ALDH8A1: variants seen among roughly 807,000 people sequenced by gnomAD.
The protein encoded by ALDH8A1 is 2-aminomuconic semialdehyde dehydrogenase.
In ALDH8A1, 39 loss-of-function variants were observed where a neutral mutation model predicts 43.3. The ratio of observed to expected loss-of-function variants is 0.90; its 90% CI spans 0.70 to 1.18. The LOEUF (loss-of-function observed/expected upper bound fraction) is 1.18, where lower values mean the gene tolerates loss of function less well. Among genes scored for constraint, ALDH8A1 ranks in the 50% most tolerant of loss-of-function variants. The pLI is 0.00. For synonymous variants in ALDH8A1, 233 were observed against 243.5 expected (o/e 0.96, Z 0.40); for missense variants, 605 against 622.6 (o/e 0.97, Z 0.30).
Position 134,942,431 on chromosome 6 carries a change from C to T in ALDH8A1, c.420G>A (p.Thr140=), listed in dbSNP as rs753123197. The T allele has an allele frequency of 3.8e-5, 62 of 1,613,618 alleles. No homozygotes were observed. The East Asian group carries it at 1.2e-3, about 32-fold the overall frequency. ...QMDHLGCMHY[T]VRAPVGVAGL... ...CACCGACTCCCACCGGGGCCCGCAC[C>T]GTGTAGTGCATGCAGCCCAGGTGGT... The change falls in exon 3 of 7, where the codon ACG becomes ACA. Residue 140 remains threonine (T), a synonymous_variant. Transcript: ENST00000265605.
chr6:134,940,353 G>C (rs754283028), intron 3 of ALDH8A1: 1 of 192,694 alleles, frequency 5.2e-6, no homozygotes, highest in African/African-American at 2.4e-5. Context: ...TTATTTTAAC[G>C]GTCTGGCTGT....
At chr6:134,938,334 C>T (rs892216659) in intron 4 of ALDH8A1, among the ~76,000 whole-genome samples, 10 of 152,220 alleles carry the variant, frequency 6.6e-5, no homozygotes, top group African/African-American at 2.2e-4. Context: ...TGTGCCTGTG[C>T]GGAGCTACAG....
chr6:134,946,643 A>G (rs1028849597), intron 1 of ALDH8A1, among the ~76,000 whole-genome samples: 3 of 152,232 alleles, frequency 2.0e-5, no homozygotes, highest in Non-Finnish European at 2.9e-5. Flanking sequence ...TGAGGCATGC[A>G]AAAGTTCAGC....
In ALDH8A1 at chr6:134,921,304, T is replaced by C. The variant is rs568620540; in HGVS notation, c.1012-2437A>G. ...TTCTTCTGTGCTTCCTCCGGCCTCA[T>C]TGTAAACCCTCCAGAATTCTCTCCA... On this transcript the variant is annotated intron_variant, in intron 6 of 6. Coordinates refer to ENST00000265605, the MANE Select transcript of ALDH8A1 (RefSeq NM_022568.4). Among the ~76,000 whole-genome samples the C allele has an allele frequency of 9.8e-5, 15 of 152,294 alleles. No individual in the cohort carries two copies. The South Asian group carries it at 2.7e-3, about 27-fold the overall frequency.
chr6:134,929,022 T>C lies in ALDH8A1; in HGVS notation c.1011+32A>G, dbSNP rs374129470. On this transcript the variant is annotated intron_variant, in intron 6 of 6. Transcript: ENST00000265605. ...GAGCTTCTCTTCAAATAAGAACTTA[T>C]TCTGTAACTTACATGGCAGAAATTT... The C allele has an allele frequency of 9.3e-6, 15 of 1,609,472 alleles. No individual in the cohort carries two copies. The African/African-American group carries it at 1.9e-4, about 20-fold the overall frequency.
At chr6:134,925,655 A>G (rs1157023805) in intron 6 of ALDH8A1, among the ~76,000 whole-genome samples, 7 of 152,238 alleles carry the variant, frequency 4.6e-5, no homozygotes. Context: ...ACAGCAATGA[A>G]TAAAACTGAC....
At chr6:134,941,427 G>A (rs13209279) in intron 3 of ALDH8A1, 47,247 of 150,002 alleles carry the variant, frequency 0.31, 7,469 homozygotes, top group Non-Finnish European at 0.34. Flanking sequence ...CACTCTTGTC[G>A]CCCAGGCTGG....
Position 134,918,133 on chromosome 6 carries a change from G to C in ALDH8A1, c.*282C>G. Reference sequence around the variant, plus strand: ...AGATTCCCAAGAGTTCAATGAAGATGATGAAAGAAACACTATGAAAACATA... The same window carrying C: ...AGATTCCCAAGAGTTCAATGAAGATCATGAAAGAAACACTATGAAAACATA... On this transcript the variant is annotated 3_prime_UTR_variant, in exon 7 of 7. Transcript: ENST00000265605. 2.4e-6 allele frequency: 1 copy of C among 416,046 alleles called. No homozygotes were observed. The highest frequency in any genetic ancestry group is 4.3e-6 in the Non-Finnish European group (1 of 233,728). 25.8% of individuals were successfully genotyped at this position (416,046 alleles called of 1,614,324 possible). A position where few individuals can be genotyped will look rare whatever the true frequency, so the allele number is the denominator to read the frequency against.
At position 134,946,449 on chromosome 6, in the gene ALDH8A1, T is replaced by C. The variant is rs536091544; in HGVS notation, c.139-2483A>G. ...CTAAGTTGCCTTATAGCACAACTTATGTCCATGTAATATAGAATACATATT... is the reference window on the plus strand; with the variant it reads ...CTAAGTTGCCTTATAGCACAACTTACGTCCATGTAATATAGAATACATATT... On this transcript the variant is annotated intron_variant, in intron 1 of 6. Coordinates refer to ENST00000265605, the MANE Select transcript of ALDH8A1 (RefSeq NM_022568.4). Among the ~76,000 whole-genome samples, 3 of 152,274 alleles carry C rather than the reference T, an allele frequency of 2.0e-5. No homozygotes were observed. In the South Asian group the frequency reaches 6.2e-4, roughly 32 times the overall value.
intron 6 of ALDH8A1, among the ~76,000 whole-genome samples, chr6:134,922,907 T>G (rs1329316730): frequency 1.3e-5 from 2 of 152,186 alleles, no homozygotes; most frequent in Non-Finnish European, 2.9e-5. Context: ...TTTGTTAGCA[T>G]GAACAGATGT....
In ALDH8A1 at chr6:134,942,862, A is replaced by C. The variant is rs952070585; in HGVS notation, c.287-298T>G. Among the ~76,000 whole-genome samples the C allele has an allele frequency of 3.4e-4, 52 of 152,054 alleles. 1 individual carries two copies. Among genetic ancestry groups the C allele is most frequent in the Non-Finnish European group, 1.5e-5 (1 of 68,016 alleles). ...AGATGCTACCACTTCACCCACACAAACTCTTGCAATTCAAAATCACCAGGC... is the reference window on the plus strand; with the variant it reads ...AGATGCTACCACTTCACCCACACAACCTCTTGCAATTCAAAATCACCAGGC... On this transcript the variant is annotated intron_variant, in intron 2 of 6. Transcript: ENST00000265605.
intron 4 of ALDH8A1, among the ~76,000 whole-genome samples, chr6:134,935,625 T>C (rs947285941): frequency 6.6e-6 from 1 of 152,156 alleles, no homozygotes; most frequent in African/African-American, 2.4e-5. Flanking sequence ...CTACGGTAGG[T>C]GCAGAAATCT....
intron 5 of ALDH8A1, 125 bp downstream of exon 5, chr6:134,932,651 C>T: frequency 2.2e-6 from 3 of 1,354,288 alleles, no homozygotes; most frequent in Non-Finnish European, 3.0e-6. Context: ...ACACAATGTA[C>T]TGATCCTGCT....
chr6:134,931,221 A>G (rs984773186), intron 5 of ALDH8A1, among the ~76,000 whole-genome samples: 1 of 152,116 alleles, frequency 6.6e-6, no homozygotes, highest in South Asian at 2.1e-4. Flanking sequence ...GTAGGAGAGA[A>G]GATTACACTT....
In ALDH8A1 at chr6:134,942,412, C is replaced by T; in HGVS notation, c.439G>A (p.Val147Ile). 6.2e-7 allele frequency: 1 copy of T among 1,607,690 alleles called. No homozygotes were observed. Among genetic ancestry groups the T allele is most frequent in the Non-Finnish European group, 8.5e-7 (1 of 1,175,686 alleles). Residue 147 changes from valine to isoleucine, a missense_variant, in exon 3 of 7, where the codon GTC (valine) becomes ATC (isoleucine). Val to Ile is a conservative substitution (Grantham distance 29). Transcript: ENST00000265605. ...MHYTVRAPVG[V>I]AGLISPWNLP... is the part of the protein sequence containing the mutation. ...GCTCTCACTGAACAGCACTCACCGA[C>T]TCCCACCGGGGCCCGCACCGTGTAG...
chr6:134,929,747 C>T (rs939848487), intron 5 of ALDH8A1, among the ~76,000 whole-genome samples: 1 of 152,068 alleles, frequency 6.6e-6, no homozygotes, highest in African/African-American at 2.4e-5. Context: ...GGTCAGGAGG[C>T]CAGCAAGGCT....
intron 2 of ALDH8A1, among the ~76,000 whole-genome samples, chr6:134,943,482 G>A (rs963333867): frequency 2.0e-5 from 3 of 152,212 alleles, no homozygotes; most frequent in Non-Finnish European, 4.4e-5. Flanking sequence ...ATGAGTAGGA[G>A]ACTGCATGAT....
intron 4 of ALDH8A1, among the ~76,000 whole-genome samples, chr6:134,937,720 C>T (rs1773770314): frequency 6.6e-6 from 1 of 152,232 alleles, no homozygotes; most frequent in Admixed American, 6.5e-5. Context: ...AACCTGCAGT[C>T]ACCAGGCAGG....
chr6:134,937,867 C>A (rs184723327), intron 4 of ALDH8A1, among the ~76,000 whole-genome samples: 3 of 152,232 alleles, frequency 2.0e-5, no homozygotes, highest in Admixed American at 2.0e-4. Flanking sequence ...CCCACCCCCT[C>A]CACCTCGAAG....
Sources: allele counts gnomAD v4.1 joint callset (sites outside exome capture counted in the v4.1 genomes callset), GRCh38; gene constraint gnomAD v4.1.1; transcripts MANE v1.5; gene names NCBI Gene and HGNC (gene_info 2026-07-23, HGNC 2026-07-21).